B4GALT3: variants seen among roughly 807,000 people sequenced by gnomAD.
The protein encoded by B4GALT3 is N-acetyllactosamine synthase.
In B4GALT3, 29 loss-of-function variants were observed where a neutral mutation model predicts 40.7. The ratio of observed to expected loss-of-function variants is 0.71; its 90% CI spans 0.53 to 0.97. B4GALT3 has a LOEUF of 0.97. Ranked by LOEUF, B4GALT3 falls within the 50% of genes least tolerant of loss-of-function variation. The pLI is 0.00. For missense variants in B4GALT3, 390 were observed against 522.3 expected, an observed-to-expected ratio of 0.75 and a Z score of 2.47; for synonymous variants, 182 against 203.9, an observed-to-expected ratio of 0.89 and a Z score of 0.92.
chr1:161,176,218 A>G, intron 2 of B4GALT3, 144 bp from the exon 3 acceptor site: 1 of 885,852 alleles, frequency 1.1e-6, no homozygotes, highest in African/African-American at 1.7e-5. Context: ...ACAGGTGCAC[A>G]GTCACGCAAG....
At position 161,172,021 on chromosome 1, in the gene B4GALT3, A is replaced by G; in HGVS notation, c.977T>C (p.Leu326Ser). 6.2e-7 allele frequency: 1 copy of G among 1,614,198 alleles called. No homozygotes were observed. ...QDGMNSLTYQ[L>S]LARELGPLYT... ...AAGAGGCCCCAGCTCTCGAGCCAGC[A>G]ACTGGTATGTCAGTGAGTTCATCCC... The change falls in exon 8 of 8, where the codon TTG (leucine) becomes TCG (serine). Residue 326 changes from leucine (L) to serine (S), a missense_variant. Around this residue, in one of 3 missense-constraint regions of B4GALT3, gnomAD observed 135 missense variants for 227.8 expected, o/e 0.59. Transcript: ENST00000319769.
intron 2 of B4GALT3, 29 bp from the exon 3 acceptor site, chr1:161,176,103 T>C: frequency 6.2e-7 from 1 of 1,608,182 alleles, no homozygotes; most frequent in Non-Finnish European, 8.5e-7. Context: ...ATTCTGGGGG[T>C]AGGCAGGAAG....
At chr1:161,173,814 G>A in intron 5 of B4GALT3, 45 bp downstream of exon 5, 1 of 1,610,066 alleles carries the variant, frequency 6.2e-7, no homozygotes, top group Non-Finnish European at 8.5e-7. Flanking sequence ...CCTTCCACAG[G>A]ATAGTAGGCT....
intron 4 of B4GALT3, among the ~76,000 whole-genome samples, chr1:161,174,384 G>A (rs1662674448): frequency 6.6e-6 from 1 of 151,090 alleles, no homozygotes; most frequent in African/African-American, 2.4e-5. Context: ...CTCCAGCCTG[G>A]GGGACAGAGT....
Position 161,171,642 on chromosome 1 carries a change from C to G in B4GALT3, c.*174G>C, listed in dbSNP as rs6779. 219,919 of 841,056 alleles carry G rather than the reference C, an allele frequency of 0.26. 30,212 individuals carry two copies. Among genetic ancestry groups the G allele is most frequent in the East Asian group, 0.4 (15,116 of 37,898 alleles). The allele number at this position is 841,056 out of a possible 1,614,324, so 52.1% of individuals were successfully genotyped here. A position where few individuals can be genotyped will look rare whatever the true frequency, so the allele number is the denominator to read the frequency against. On this transcript the variant is annotated 3_prime_UTR_variant, in exon 8 of 8. Coordinates refer to ENST00000319769, the MANE Select transcript of B4GALT3 (RefSeq NM_003779.4). ...GGAGACCCTAGAGAGAGGGACCCCTCAGGTCTACAGGAGCCCAGCTCCAGT... is the reference window on the plus strand; with the variant it reads ...GGAGACCCTAGAGAGAGGGACCCCTGAGGTCTACAGGAGCCCAGCTCCAGT...
Position 161,171,500 on chromosome 1 carries a change from C to A in B4GALT3, c.*316G>T. ...CGAGGAGAAGCCAGATCACTCTTCT[C>A]TCCATGGAAGAGGGAGGGGCTTGGG... On this transcript the variant is annotated 3_prime_UTR_variant, in exon 8 of 8. Coordinates refer to ENST00000319769, the MANE Select transcript of B4GALT3 (RefSeq NM_003779.4). 3.5e-6 allele frequency: 2 copies of A among 579,642 alleles called. No individual in the cohort carries two copies. The highest frequency in any genetic ancestry group is 3.0e-5 in the East Asian group (1 of 33,078). The allele number at this position is 579,642 out of a possible 1,614,324, so 35.9% of individuals were successfully genotyped here.
chr1:161,171,740 C>G lies in B4GALT3; in HGVS notation c.*76G>C. ...CAGTTCCCTCACATCCCTCTGAGAA[C>G]AGTGAGGAGCTGAGGGTGGGGAGAA... On this transcript the variant is annotated 3_prime_UTR_variant, in exon 8 of 8. Transcript: ENST00000319769. 3 of 1,550,400 alleles carry G rather than the reference C, an allele frequency of 1.9e-6. No homozygotes were observed. Among genetic ancestry groups the G allele is most frequent in the South Asian group, 1.2e-5 (1 of 84,530 alleles).
rs937842045 is a variant in B4GALT3, at chr1:161,176,488, G to C, written c.-69C>G. ...TGGGGGCTCCAGGGGGTCCCGGGGG[G>C]ACAGAGATGTGAGGCATTATCTAAA... On this transcript the variant is annotated 5_prime_UTR_variant, in exon 2 of 8. Transcript: ENST00000319769. 1 of 380,858 alleles carries C rather than the reference G, an allele frequency of 2.6e-6. No individual in the cohort carries two copies. The highest frequency in any genetic ancestry group is 4.8e-6 in the Non-Finnish European group (1 of 207,172). 23.6% of individuals were successfully genotyped at this position (380,858 alleles called of 1,614,324 possible).
chr1:161,171,408 A>C lies in B4GALT3; in HGVS notation c.*408T>G. 2.8e-6 allele frequency: 2 copies of C among 708,138 alleles called. No individual in the cohort carries two copies. The highest frequency in any genetic ancestry group is 4.6e-6 in the Non-Finnish European group (2 of 435,146). 43.9% of individuals were successfully genotyped at this position (708,138 alleles called of 1,614,324 possible). A position where few individuals can be genotyped will look rare whatever the true frequency, so the allele number is the denominator to read the frequency against. On this transcript the variant is annotated 3_prime_UTR_variant, in exon 8 of 8. Coordinates refer to ENST00000319769, the MANE Select transcript of B4GALT3 (RefSeq NM_003779.4). ...ATTCCAGCATAGGCAGAAAATGCCC[A>C]GGGAGGGGCTTCCTTCACCAAACAA... is the stretch of plus-strand genomic sequence containing the variant.
chr1:161,175,144 C>A lies in B4GALT3; in HGVS notation c.338G>T (p.Arg113Leu). Residue 113 changes from arginine (R) to leucine (L), a missense_variant, in exon 4 of 8, where the codon CGG becomes CTG. By Grantham distance (102) the Arg-to-Leu change is moderately radical (BLOSUM62 -2). Coordinates refer to ENST00000319769, the MANE Select transcript of B4GALT3 (RefSeq NM_003779.4). ...ERNPRVEPGG[R>L]YRPAGCEPRS... ...GGGCTCACAACCTGCAGGGCGGTAC[C>A]GGCCCCCTGGTTCTACCCGGGGATT... 2 of 1,613,980 alleles carry A rather than the reference C, an allele frequency of 1.2e-6. No homozygotes were observed. Among genetic ancestry groups the A allele is most frequent in the Non-Finnish European group, 1.7e-6 (2 of 1,179,924 alleles).
chr1:161,177,126 G>C (rs1398429966), intron 1 of B4GALT3: 1 of 1,493,684 alleles, frequency 6.7e-7, no homozygotes, highest in East Asian at 2.5e-5. Flanking sequence ...AAGGGAGAGG[G>C]AGAGCAGGGG....
intron 1 of B4GALT3, 175 bp from the exon 2 acceptor site, chr1:161,176,754 C>G (rs1663687084): frequency 2.1e-6 from 2 of 969,402 alleles, no homozygotes; most frequent in Non-Finnish European, 3.1e-6. Context: ...TGATAAGTGT[C>G]AGGTTCATAC....
In B4GALT3 at chr1:161,176,116, A is replaced by T; in HGVS notation, c.-14-42T>A. On this transcript the variant is annotated intron_variant, in intron 2 of 7. Coordinates refer to ENST00000319769, the MANE Select transcript of B4GALT3 (RefSeq NM_003779.4). ...GAATTCTGGGGGTAGGCAGGAAGAG[A>T]GCAAGCCAGCAGAGAGGTCAGTAGG... 3 of 1,601,642 alleles carry T rather than the reference A, an allele frequency of 1.9e-6. No homozygotes were observed. In the East Asian group the frequency reaches 6.7e-5, roughly 36 times the overall value.
intron 3 of B4GALT3, 136 bp downstream of exon 3, chr1:161,175,672 C>T: frequency 7.5e-7 from 1 of 1,342,274 alleles, no homozygotes; most frequent in South Asian, 1.4e-5. Context: ...CTATCTCAAC[C>T]TCAGCCTACC....
intron 1 of B4GALT3, 188 bp downstream of exon 1, chr1:161,177,235 T>C (rs1663951198): frequency 3.0e-6 from 2 of 663,842 alleles, no homozygotes; most frequent in Admixed American, 2.9e-5. Context: ...ACGCCCATCC[T>C]ATCCCAGTCT....
chr1:161,175,132 G>A lies in B4GALT3; in HGVS notation c.350C>T (p.Ala117Val), dbSNP rs771359250. 6.2e-7 allele frequency: 1 copy of A among 1,614,042 alleles called. No individual in the cohort carries two copies. Among genetic ancestry groups the A allele is most frequent in the South Asian group, 1.1e-5 (1 of 91,078 alleles). Residue 117 changes from alanine to valine, a missense_variant, in exon 4 of 8, where the codon GCA becomes GTA. Ala to Val is a moderately conservative substitution (Grantham distance 64). This residue lies in a region of B4GALT3 where 183 missense variants were observed against 223.2 expected (regional missense o/e 0.82). Coordinates refer to ENST00000319769, the MANE Select transcript of B4GALT3 (RefSeq NM_003779.4). ...RVEPGGRYRP[A>V]GCEPRSRTAI... is the part of the protein sequence containing the mutation. Reference sequence around the variant, plus strand: ...TGTTCGGGAGCGGGGCTCACAACCTGCAGGGCGGTACCGGCCCCCTGGTTC... The same window carrying A: ...TGTTCGGGAGCGGGGCTCACAACCTACAGGGCGGTACCGGCCCCCTGGTTC...
At chr1:161,177,714 G>C (rs1057417215), upstream of B4GALT3, 1 of 152,716 alleles carries the variant, frequency 6.5e-6, no homozygotes, top group Non-Finnish European at 1.5e-5. Context: ...TTCATTTCCT[G>C]CCCCTCAGAT....
intron 1 of B4GALT3, chr1:161,177,037 G>A: frequency 6.5e-7 from 1 of 1,536,028 alleles, no homozygotes. Flanking sequence ...CGGAGAGTAG[G>A]GTGGGGGTGG....
chr1:161,177,256 C>A, intron 1 of B4GALT3, 167 bp downstream of exon 1: 1 of 625,752 alleles, frequency 1.6e-6, no homozygotes, highest in Non-Finnish European at 2.7e-6. Context: ...CTTGCTTTTG[C>A]CCTACCTACT....
Sources: allele counts gnomAD v4.1 joint callset (sites outside exome capture counted in the v4.1 genomes callset), GRCh38; gene constraint gnomAD v4.1.1; regional missense constraint gnomAD v4.1.1; transcripts MANE v1.5; gene names NCBI Gene and HGNC (gene_info 2026-07-23, HGNC 2026-07-21).